Variants in TNRC6A observed in about 807,000 individuals in gnomAD.
TNRC6A encodes the protein trinucleotide repeat-containing gene 6A protein.
Under a neutral mutation model 221.2 loss-of-function variants are expected in TNRC6A, and 44 were observed. That is an observed-to-expected ratio of 0.20 (90% confidence interval 0.16 to 0.26). The LOEUF (loss-of-function observed/expected upper bound fraction) is 0.26. TNRC6A is among the 10% of genes least tolerant of loss of function. TNRC6A has a pLI of 1.00. For missense variants in TNRC6A, 2,199 were observed against 2,404.4 expected (o/e 0.91, Z 1.79); for synonymous variants, 847 against 838.5 (o/e 1.01, Z -0.18).
intron 1 of TNRC6A, among the ~76,000 whole-genome samples, chr16:24,633,741 CT>C (rs1860818738): frequency 1.3e-5 from 2 of 151,722 alleles, no homozygotes; most frequent in East Asian, 2.0e-4. Context: ...ACACACATTC[CT>C]CCCAATAGAA....
At chr16:24,673,938 C>T (rs1034495900) in intron 2 of TNRC6A, among the ~76,000 whole-genome samples, 1 of 152,216 alleles carries the variant, frequency 6.6e-6, no homozygotes, top group Non-Finnish European at 1.5e-5. Flanking sequence ...TCCTCACCCT[C>T]GTGCAGCTTG....
intron 2 of TNRC6A, among the ~76,000 whole-genome samples, chr16:24,651,933 T>TA (rs1328236239): frequency 0.096 from 12,410 of 129,800 alleles, 1,730 homozygotes; most frequent in African/African-American, 0.32. Flanking sequence ...ACCCCCTCTC[T>TA]AAAAAAAAAA....
At chr16:24,731,064 A>C (rs1444735021) in intron 2 of TNRC6A, among the ~76,000 whole-genome samples, 1 of 151,108 alleles carries the variant, frequency 6.6e-6, no homozygotes, top group East Asian at 1.9e-4. Flanking sequence ...AAGGAATTGT[A>C]CTGTATTTAA....
At chr16:24,719,202 G>A (rs566546487) in intron 2 of TNRC6A, among the ~76,000 whole-genome samples, 5 of 152,108 alleles carry the variant, frequency 3.3e-5, no homozygotes, top group African/African-American at 9.6e-5. Context: ...CTCTCCTGGC[G>A]CTTACAAAAA....
intron 2 of TNRC6A, among the ~76,000 whole-genome samples, chr16:24,730,983 T>C (rs981408633): frequency 9.3e-5 from 14 of 151,324 alleles, no homozygotes; most frequent in Non-Finnish European, 1.6e-4. Flanking sequence ...GAGAATTTTT[T>C]TTTTTTTTTA....
At chr16:24,753,017 A>G (rs987614344) in intron 3 of TNRC6A, among the ~76,000 whole-genome samples, 1 of 152,226 alleles carries the variant, frequency 6.6e-6, no homozygotes. Context: ...AAGTTGTAAC[A>G]TATACAGCAA....
At chr16:24,758,262 T>C in intron 3 of TNRC6A, 77 bp from the exon 4 acceptor site, 2 of 1,416,346 alleles carry the variant, frequency 1.4e-6, no homozygotes, top group Non-Finnish European at 2.0e-6. Context: ...TATTAATATA[T>C]GAACATTTTA....
At chr16:24,635,126 T>C (rs202162900) in intron 1 of TNRC6A, among the ~76,000 whole-genome samples, 2 of 145,280 alleles carry the variant, frequency 1.4e-5, no homozygotes, top group African/African-American at 5.2e-5. Context: ...TTTTCTTTCT[T>C]TTTCTTTCTT....
chr16:24,776,759 G>C, intron 4 of TNRC6A, 174 bp from the exon 5 acceptor site: 1 of 985,326 alleles, frequency 1.0e-6, no homozygotes, highest in Non-Finnish European at 1.2e-6. Context: ...TATGACTCTT[G>C]GCAGTGACAT....
intron 5 of TNRC6A, among the ~76,000 whole-genome samples, chr16:24,788,636 G>A (rs954489142): frequency 6.9e-6 from 1 of 145,736 alleles, no homozygotes; most frequent in Non-Finnish European, 1.5e-5. Flanking sequence ...AGACCTTCTT[G>A]ACTCCAAAAT....
chr16:24,650,868 A>G (rs575711336), intron 2 of TNRC6A, among the ~76,000 whole-genome samples: 1 of 152,290 alleles, frequency 6.6e-6, no homozygotes, highest in South Asian at 2.1e-4. Context: ...ATAGAAAAAT[A>G]TTTTATACTG....
rs2056579417 is a variant in TNRC6A, at chr16:24,729,866, C to T, written c.5+20C>T. 3 of 1,289,762 alleles carry T rather than the reference C, an allele frequency of 2.3e-6. No individual in the cohort carries two copies. The highest frequency in any genetic ancestry group is 3.0e-6 in the Non-Finnish European group (3 of 1,008,298). 79.9% of individuals were successfully genotyped at this position (1,289,762 alleles called of 1,614,324 possible). A position where few individuals can be genotyped will look rare whatever the true frequency, so the allele number is the denominator to read the frequency against. On this transcript the variant is annotated intron_variant, in intron 1 of 24. Coordinates refer to ENST00000395799, the MANE Select transcript of TNRC6A (RefSeq NM_014494.4). ...CATGAGGTGAGCGGAACAAGGGCCTCCCTCCGGGCGGGAGGAGCCGCGGGC... is the reference window on the plus strand; with the variant it reads ...CATGAGGTGAGCGGAACAAGGGCCTTCCTCCGGGCGGGAGGAGCCGCGGGC...
intron 7 of TNRC6A, among the ~76,000 whole-genome samples, chr16:24,794,296 A>G (rs923975633): frequency 1.3e-5 from 2 of 152,214 alleles, no homozygotes; most frequent in Non-Finnish European, 2.9e-5. Flanking sequence ...GTCCATGTTC[A>G]AGAACTATGA....
At chr16:24,614,069 G>C (rs1028610182) in intron 1 of TNRC6A, among the ~76,000 whole-genome samples, 2 of 152,196 alleles carry the variant, frequency 1.3e-5, no homozygotes, top group Admixed American at 6.5e-5. Flanking sequence ...TCTGCTGGCA[G>C]GTTGGTTCAG....
intron 1 of TNRC6A, among the ~76,000 whole-genome samples, chr16:24,622,204 G>C (rs1900710027): frequency 6.6e-6 from 1 of 152,046 alleles, no homozygotes; most frequent in South Asian, 2.1e-4. Context: ...AGGATCTCTA[G>C]AGCCTAGGAA....
At chr16:24,702,711 G>A (rs7184410) in intron 2 of TNRC6A, among the ~76,000 whole-genome samples, 76,176 of 151,714 alleles carry the variant, frequency 0.5, 20,691 homozygotes, top group East Asian at 0.86. Flanking sequence ...ACTTTAGCCC[G>A]GGTGACACAG....
chr16:24,822,737 TCAGAGTGTCAGTGAA>T, intron 23 of TNRC6A, 122 bp from the exon 24 acceptor site: 1 of 1,227,980 alleles, frequency 8.1e-7, no homozygotes, highest in African/African-American at 1.5e-5. Flanking sequence ...CAGAGCAACG[TCAGAGTGTCAGTGAA>T]GAGTGGTGCC....
rs1417775669 is a variant in TNRC6A at position 24,758,330 on chromosome 16, T to G, written c.142-9T>G. ...TACATTGTTTTTTGTTTGTTTGTTT[T>G]TATTTTAGGCCACTGAACAAAAAAT... On this transcript the variant is annotated splice_polypyrimidine_tract_variant and intron_variant, in intron 3 of 24. Transcript: ENST00000395799. The G allele has an allele frequency of 1.0e-5, 16 of 1,607,672 alleles. No individual in the cohort carries two copies. The highest frequency in any genetic ancestry group is 5.0e-5 in the Admixed American group (3 of 59,744).
intron 2 of TNRC6A, among the ~76,000 whole-genome samples, chr16:24,668,624 C>G (rs527807542): frequency 6.6e-6 from 1 of 152,270 alleles, no homozygotes; most frequent in East Asian, 1.9e-4. Context: ...CAATTAGACT[C>G]AGCAGAGATG....
Sources: gnomAD v4.1 joint callset for allele counts (sites outside exome capture counted in the v4.1 genomes callset) on GRCh38, gnomAD v4.1.1 for gene constraint, MANE v1.5 for transcripts, NCBI Gene and HGNC (gene_info 2026-07-23, HGNC 2026-07-21) for gene names.